Variants in SRPK2 observed in about 807,000 individuals in gnomAD.
The protein encoded by SRPK2 is SFRS protein kinase 2.
A neutral mutation model predicts 90.8 loss-of-function variants in SRPK2; 21 were observed. That is an observed-to-expected ratio of 0.23 (90% confidence interval 0.16 to 0.33). The LOEUF (loss-of-function observed/expected upper bound fraction) is 0.33. SRPK2 is among the 10% of genes least tolerant of loss of function. SRPK2 has a pLI of 1.00. For missense variants in SRPK2, 620 were observed against 869.0 expected (o/e 0.71, Z 3.60); for synonymous variants, 288 against 311.1 (o/e 0.93, Z 0.78).
intron 2 of SRPK2, among the ~76,000 whole-genome samples, chr7:105,213,455 G>A (rs1797090824): frequency 6.6e-6 from 1 of 152,148 alleles, no homozygotes. Flanking sequence ...AAGAGTGCTG[G>A]GGAGAAACTG....
chr7:105,247,925 C>G (rs1801932952), intron 2 of SRPK2, among the ~76,000 whole-genome samples: 1 of 149,424 alleles, frequency 6.7e-6, no homozygotes, highest in African/African-American at 2.5e-5. Flanking sequence ...GGCTGGAGTG[C>G]AATGGTGCAA....
rs75549903 is a variant in SRPK2, at chr7:105,160,706, T to C, written c.515-93A>G. 261 of 680,344 alleles carry C rather than the reference T, an allele frequency of 3.8e-4. No individual in the cohort carries two copies. In the African/African-American group the frequency reaches 4.1e-3, roughly 11 times the overall value. 42.1% of individuals were successfully genotyped at this position (680,344 alleles called of 1,614,324 possible). ...CATTGTGTCACTTGCAAAGCACTTA[T>C]TACTTTATAAAATACAACATCAACC... On this transcript the variant is annotated intron_variant, in intron 6 of 15. Coordinates refer to ENST00000393651, the MANE Select transcript of SRPK2 (RefSeq NM_182692.3).
chr7:105,158,861 T>G (rs1378518215), intron 7 of SRPK2, among the ~76,000 whole-genome samples: 2 of 151,266 alleles, frequency 1.3e-5, no homozygotes, highest in Non-Finnish European at 2.9e-5. Context: ...ATGTTACAAA[T>G]AATACACTAG....
At chr7:105,290,492 T>C (rs1190381104) in intron 2 of SRPK2, among the ~76,000 whole-genome samples, 2 of 151,852 alleles carry the variant, frequency 1.3e-5, no homozygotes, top group East Asian at 3.9e-4. Context: ...AGCAAGACCT[T>C]GTCTCAAAAA....
Position 105,321,097 on chromosome 7 carries a change from C to T in SRPK2, c.71+67551G>A, listed in dbSNP as rs141626425. Among the ~76,000 whole-genome samples the T allele has an allele frequency of 1.5e-3, 230 of 152,234 alleles. 2 individuals are homozygous for T. The highest frequency in any genetic ancestry group is 3.7e-3 in the African/African-American group (155 of 41,548). The stretch of plus-strand genomic sequence containing the variant: ...ATCTTCCCACCTCAGCCTCCCAAAG[C>T]GCTGGGATTGCAGATGTGAGTCACT... On this transcript the variant is annotated intron_variant, in intron 2 of 15. Transcript: ENST00000393651.
chr7:105,332,739 CG>C (rs1239445030), intron 2 of SRPK2: 6 of 149,754 alleles, frequency 4.0e-5, no homozygotes, highest in African/African-American at 1.5e-4. Flanking sequence ...CACTCCAGCC[CG>C]GGTGACAGAG....
At chr7:105,135,364 G>C (rs992337642) in intron 11 of SRPK2, among the ~76,000 whole-genome samples, 1 of 152,120 alleles carries the variant, frequency 6.6e-6, no homozygotes, top group Non-Finnish European at 1.5e-5. Flanking sequence ...CAGACGCAGG[G>C]GCTTCCCTCT....
chr7:105,207,045 G>A (rs1399742817), intron 2 of SRPK2, among the ~76,000 whole-genome samples: 1 of 152,152 alleles, frequency 6.6e-6, no homozygotes, highest in Non-Finnish European at 1.5e-5. Context: ...CTCCATCCTT[G>A]TTACTGTCTA....
intron 2 of SRPK2, among the ~76,000 whole-genome samples, chr7:105,329,730 A>C (rs952369329): frequency 6.6e-6 from 1 of 152,132 alleles, no homozygotes; most frequent in African/African-American, 2.4e-5. Flanking sequence ...GAAAGGGCTC[A>C]TCTCCGTGGC....
At chr7:105,142,548 T>C (rs936838898) in intron 10 of SRPK2, 58 bp from the exon 11 acceptor site, 2 of 1,530,504 alleles carry the variant, frequency 1.3e-6, no homozygotes, top group African/African-American at 1.4e-5. Flanking sequence ...TACAGCCTCA[T>C]TAAGTACTTA....
chr7:105,266,153 C>G (rs1048211555), intron 2 of SRPK2, among the ~76,000 whole-genome samples: 1 of 152,042 alleles, frequency 6.6e-6, no homozygotes, highest in African/African-American at 2.4e-5. Context: ...ATTTAGCCCC[C>G]CAAACAACCT....
At position 105,331,330 on chromosome 7, in the gene SRPK2, AAAAAAAAC is replaced by A. The variant is rs1429705128; in HGVS notation, c.71+57310_71+57317del. 2.4e-3 allele frequency among the ~76,000 whole-genome samples: 343 copies of A among 144,884 alleles called. 3 individuals are homozygous for A. Among genetic ancestry groups the A allele is most frequent in the African/African-American group, 8.3e-3 (322 of 38,938 alleles). ...TCTCAAAAAAAAAAAAAAAAAAAAA[AAAAAAAAC>A]AAATAGTTATTACACAATTAATCTG... On this transcript the variant is annotated intron_variant, in intron 2 of 15. Coordinates refer to ENST00000393651, the MANE Select transcript of SRPK2 (RefSeq NM_182692.3).
In SRPK2 at chr7:105,353,136, A is replaced by C. The variant is rs1817395233; in HGVS notation, c.71+35512T>G. Among the ~76,000 whole-genome samples the C allele has an allele frequency of 2.0e-5, 3 of 152,204 alleles. No homozygotes were observed. In the South Asian group the frequency reaches 6.2e-4, roughly 32 times the overall value. ...TTAAGTAATTGCTAAGGAACTCCCA[A>C]CTCCAAAGTTCCATAAGGATGACTC... On this transcript the variant is annotated intron_variant, in intron 2 of 15. Transcript: ENST00000393651.
At chr7:105,381,789 C>T (rs1820980758) in intron 2 of SRPK2, among the ~76,000 whole-genome samples, 1 of 152,082 alleles carries the variant, frequency 6.6e-6, no homozygotes, top group Admixed American at 6.6e-5. Flanking sequence ...GGCTTATGAG[C>T]TTGAATTTAT....
At chr7:105,350,710 C>T (rs997251237) in intron 2 of SRPK2, among the ~76,000 whole-genome samples, 2 of 151,456 alleles carry the variant, frequency 1.3e-5, no homozygotes, top group Admixed American at 6.6e-5. Flanking sequence ...TTAGTAGAGA[C>T]GGGGTTTCTC....
intron 2 of SRPK2, among the ~76,000 whole-genome samples, chr7:105,298,349 T>C (rs1810112888): frequency 6.6e-6 from 1 of 152,256 alleles, no homozygotes; most frequent in South Asian, 2.1e-4. Flanking sequence ...TCCATTGTTA[T>C]GGATGTATCA....
intron 2 of SRPK2, among the ~76,000 whole-genome samples, chr7:105,273,272 A>G (rs542254649): frequency 9.9e-5 from 15 of 151,880 alleles, no homozygotes; most frequent in African/African-American, 3.6e-4. Flanking sequence ...TTTATATCAT[A>G]CGCTCTGGAA....
intron 2 of SRPK2, among the ~76,000 whole-genome samples, chr7:105,342,091 C>A (rs1052246366): frequency 6.6e-6 from 1 of 151,190 alleles, no homozygotes; most frequent in Admixed American, 6.6e-5. Flanking sequence ...CAGTGAAACC[C>A]CATCTCTACT....
At chr7:105,373,176 T>C (rs1819889165) in intron 2 of SRPK2, among the ~76,000 whole-genome samples, 1 of 152,058 alleles carries the variant, frequency 6.6e-6, no homozygotes, top group Non-Finnish European at 1.5e-5. Flanking sequence ...ACATAGATAA[T>C]ACTACCCACC....
Sources: allele counts gnomAD v4.1 joint callset (sites outside exome capture counted in the v4.1 genomes callset), GRCh38; gene constraint gnomAD v4.1.1; transcripts MANE v1.5; gene names NCBI Gene and HGNC (gene_info 2026-07-23, HGNC 2026-07-21).